Variants in RAP1GDS1 observed in about 807,000 individuals in gnomAD.
RAP1GDS1 encodes RAP1, GTP-GDP dissociation stimulator 1.
A neutral mutation model predicts 71.1 loss-of-function variants in RAP1GDS1; 35 were observed. The ratio of observed to expected loss-of-function variants is 0.49; its 90% confidence interval spans 0.38 to 0.65. The LOEUF (loss-of-function observed/expected upper bound fraction) is 0.65, where lower values mean the gene tolerates loss of function less well. Ranked by LOEUF, RAP1GDS1 falls within the 30% of genes least tolerant of loss-of-function variation. The pLI is 0.00. For missense variants in RAP1GDS1, 663 were observed against 706.1 expected (o/e 0.94, Z 0.69); for synonymous variants, 229 against 243.1 (o/e 0.94, Z 0.54).
intron 2 of RAP1GDS1, among the ~76,000 whole-genome samples, chr4:98,306,040 C>G (rs1375490769): frequency 6.6e-6 from 1 of 152,222 alleles, no homozygotes; most frequent in African/African-American, 2.4e-5. Flanking sequence ...TGAATTTGTT[C>G]TGCTGTGTCT....
At chr4:98,413,853 C>G (rs1415618075) in intron 7 of RAP1GDS1, among the ~76,000 whole-genome samples, 1 of 151,118 alleles carries the variant, frequency 6.6e-6, no homozygotes, top group Admixed American at 6.6e-5. Flanking sequence ...AAAAGTGTTC[C>G]TATTTCTCCA....
At chr4:98,358,729 A>T (rs570038108) in intron 4 of RAP1GDS1, among the ~76,000 whole-genome samples, 1 of 152,206 alleles carries the variant, frequency 6.6e-6, no homozygotes, top group South Asian at 2.1e-4. Context: ...AGAACCATAC[A>T]TGCCCATACA....
rs374932604 is a variant in RAP1GDS1 at position 98,261,387 on chromosome 4, C to A, written c.-179C>A. The A allele has an allele frequency of 2.6e-4, 45 of 170,818 alleles. 1 individual carries two copies. In the East Asian group the frequency reaches 5.7e-3, roughly 22 times the overall value. The allele number at this position is 170,818 out of a possible 1,614,324, so 10.6% of individuals were successfully genotyped here. On this transcript the variant is annotated 5_prime_UTR_variant, in exon 1 of 15. Transcript: ENST00000408927. The stretch of plus-strand genomic sequence containing the variant: ...CCGCCCCGCCCCGCCCCCCGCCGCT[C>A]GTCCCCGCCGCGGCCGCGCCGCCTG...
intron 2 of RAP1GDS1, among the ~76,000 whole-genome samples, chr4:98,301,267 C>G (rs1214375620): frequency 1.3e-5 from 2 of 151,954 alleles, no homozygotes; most frequent in Admixed American, 1.3e-4. Flanking sequence ...GGGCTTAGCA[C>G]TGGTGCTCCT....
intron 14 of RAP1GDS1, chr4:98,441,727 A>G: frequency 1.5e-6 from 1 of 665,920 alleles, no homozygotes; most frequent in Non-Finnish European, 1.9e-6. Context: ...TGACCATGCC[A>G]CTGTACTCAA....
chr4:98,364,767 C>T (rs774651045), intron 4 of RAP1GDS1, among the ~76,000 whole-genome samples: 23 of 151,754 alleles, frequency 1.5e-4, no homozygotes, highest in East Asian at 7.7e-4. Flanking sequence ...TGGCTCACAC[C>T]TGTAATCCCA....
chr4:98,372,517 G>A (rs918470298), intron 4 of RAP1GDS1, among the ~76,000 whole-genome samples: 2 of 152,030 alleles, frequency 1.3e-5, no homozygotes, highest in Admixed American at 6.6e-5. Flanking sequence ...TTGCCCTGTG[G>A]CTTGCAATAT....
chr4:98,360,919 GAAAAC>G (rs965922939), intron 4 of RAP1GDS1, among the ~76,000 whole-genome samples: 22 of 151,680 alleles, frequency 1.5e-4, no homozygotes, highest in African/African-American at 4.1e-4. Context: ...TTTTTAAAAA[GAAAAC>G]AAAACAAAAC....
chr4:98,343,550 G>T (rs1471812053), intron 3 of RAP1GDS1, among the ~76,000 whole-genome samples: 1 of 151,962 alleles, frequency 6.6e-6, no homozygotes, highest in Non-Finnish European at 1.5e-5. Context: ...TCTTGAACTT[G>T]CCACTGAGTC....
chr4:98,386,165 T>C (rs1194804721), intron 5 of RAP1GDS1, among the ~76,000 whole-genome samples: 1 of 151,930 alleles, frequency 6.6e-6, no homozygotes, highest in Non-Finnish European at 1.5e-5. Flanking sequence ...TGTAGCAGTA[T>C]TCATTGTAAC....
chr4:98,428,270 C>G (rs1452174187), intron 12 of RAP1GDS1, among the ~76,000 whole-genome samples: 1 of 151,938 alleles, frequency 6.6e-6, no homozygotes, highest in Non-Finnish European at 1.5e-5. Flanking sequence ...TCAGAAAAAG[C>G]CCCTTCTAGA....
At chr4:98,365,929 T>C (rs1440081309) in intron 4 of RAP1GDS1, among the ~76,000 whole-genome samples, 1 of 152,204 alleles carries the variant, frequency 6.6e-6, no homozygotes, top group Non-Finnish European at 1.5e-5. Context: ...AAGAAGTCTT[T>C]AGTGACCAGA....
intron 4 of RAP1GDS1, among the ~76,000 whole-genome samples, chr4:98,366,285 G>C (rs1462707952): frequency 6.6e-6 from 1 of 152,078 alleles, no homozygotes; most frequent in Non-Finnish European, 1.5e-5. Flanking sequence ...AGCTCTCTTT[G>C]CCTGCTGCCA....
At chr4:98,291,007 A>T (rs1250026681) in intron 1 of RAP1GDS1, among the ~76,000 whole-genome samples, 2 of 152,166 alleles carry the variant, frequency 1.3e-5, no homozygotes, top group African/African-American at 4.8e-5. Flanking sequence ...GTTTAGACTG[A>T]TGTTTCTAAG....
chr4:98,417,899 C>G (rs1206318096), intron 9 of RAP1GDS1, among the ~76,000 whole-genome samples: 1 of 152,046 alleles, frequency 6.6e-6, no homozygotes, highest in Non-Finnish European at 1.5e-5. Context: ...TATGAATAAT[C>G]CCCTGGCATC....
At chr4:98,281,319 G>T (rs1160973144) in intron 1 of RAP1GDS1, among the ~76,000 whole-genome samples, 2 of 152,096 alleles carry the variant, frequency 1.3e-5, no homozygotes, top group African/African-American at 4.8e-5. Flanking sequence ...CCTTGAAGAG[G>T]TCGTTCACAT....
intron 2 of RAP1GDS1, among the ~76,000 whole-genome samples, chr4:98,318,941 T>C (rs952397034): frequency 6.6e-6 from 1 of 152,080 alleles, no homozygotes; most frequent in African/African-American, 2.4e-5. Flanking sequence ...GAAATGAAAT[T>C]ATGGAAAGTA....
intron 2 of RAP1GDS1, among the ~76,000 whole-genome samples, chr4:98,305,001 A>G (rs1216164903): frequency 1.3e-5 from 2 of 151,934 alleles, no homozygotes; most frequent in East Asian, 1.9e-4. Flanking sequence ...TATTTCTGAG[A>G]TCTCTGTTCT....
chr4:98,337,035 C>G (rs550937227), intron 2 of RAP1GDS1, among the ~76,000 whole-genome samples: 2 of 152,244 alleles, frequency 1.3e-5, no homozygotes, highest in African/African-American at 4.8e-5. Context: ...GCTGGGATTA[C>G]AGGCATCCAC....
Sources: allele counts gnomAD v4.1 joint callset (sites outside exome capture counted in the v4.1 genomes callset), GRCh38; gene constraint gnomAD v4.1.1; transcripts MANE v1.5; gene names NCBI Gene and HGNC (gene_info 2026-07-23, HGNC 2026-07-21).